KCNMA1: variants seen among roughly 807,000 people sequenced by gnomAD.
KCNMA1 encodes the protein potassium calcium-activated channel subfamily M alpha 1, also known as Calcium-activated potassium channel subunit alpha-1.
Under a neutral mutation model 140.0 loss-of-function variants are expected in KCNMA1, and 29 were observed. The observed-to-expected ratio is 0.21, with a 90% CI of 0.15 to 0.28. The LOEUF is 0.28. Among genes scored for constraint, KCNMA1 ranks in the 10% least tolerant of loss-of-function variants. The pLI is 1.00. For synonymous variants in KCNMA1, 612 were observed against 611.9 expected (o/e 1.00, Z 0.00); for missense variants, 880 against 1,602.2 (o/e 0.55, Z 7.70).
intron 1 of KCNMA1, among the ~76,000 whole-genome samples, chr10:77,558,922 G>T (rs905631056): frequency 6.6e-6 from 1 of 152,186 alleles, no homozygotes; most frequent in Admixed American, 6.5e-5. Flanking sequence ...CTTTAAAGTG[G>T]TCACCGACTA....
chr10:76,990,667 G>T (rs1030996043), intron 19 of KCNMA1, among the ~76,000 whole-genome samples: 1 of 152,130 alleles, frequency 6.6e-6, no homozygotes, highest in African/African-American at 2.4e-5. Context: ...AGGTCATTGT[G>T]CATCCCTTCT....
In KCNMA1 at chr10:76,981,729, C is replaced by T. The variant is rs192715991; in HGVS notation, c.2267-11662G>A. On this transcript the variant is annotated intron_variant, in intron 19 of 27. Transcript: ENST00000286628. ...CCAGATGATTATGACAAGATCAATT[C>T]TCTCCTTTCTTTAAAAAATCCCCTG... 1.5e-4 allele frequency among the ~76,000 whole-genome samples: 23 copies of T among 152,314 alleles called. No individual in the cohort carries two copies. In the East Asian group the frequency reaches 3.1e-3, roughly 20 times the overall value.
intron 9 of KCNMA1, among the ~76,000 whole-genome samples, chr10:77,098,030 T>C (rs1188605197): frequency 1.3e-5 from 2 of 152,240 alleles, no homozygotes; most frequent in Admixed American, 6.5e-5. Flanking sequence ...AAACTTTGCA[T>C]CTTATCGCAT....
intron 25 of KCNMA1, among the ~76,000 whole-genome samples, chr10:76,895,193 C>T (rs1459699831): frequency 2.6e-5 from 4 of 152,310 alleles, no homozygotes; most frequent in Admixed American, 6.5e-5. Flanking sequence ...CTCTCACACG[C>T]ACCCCCTTAG....
At chr10:77,606,407 C>T (rs376221434) in intron 1 of KCNMA1, among the ~76,000 whole-genome samples, 28 of 152,148 alleles carry the variant, frequency 1.8e-4, no homozygotes, top group Middle Eastern at 3.4e-3. Flanking sequence ...CAAGAGGGGA[C>T]GATCGCTTGA....
At chr10:77,522,766 C>A (rs1040090475) in intron 1 of KCNMA1, among the ~76,000 whole-genome samples, 1 of 152,184 alleles carries the variant, frequency 6.6e-6, no homozygotes, top group Non-Finnish European at 1.5e-5. Context: ...GGTCTTGGGG[C>A]AACCAATGGT....
At chr10:76,990,540 T>G (rs1378858275) in intron 19 of KCNMA1, among the ~76,000 whole-genome samples, 1 of 152,162 alleles carries the variant, frequency 6.6e-6, no homozygotes, top group Admixed American at 6.5e-5. Flanking sequence ...CCCTTGCAAA[T>G]TTCACATTCA....
chr10:77,171,228 C>T (rs1377426535), intron 5 of KCNMA1, among the ~76,000 whole-genome samples: 2 of 152,128 alleles, frequency 1.3e-5, no homozygotes, highest in African/African-American at 2.4e-5. Context: ...ATGGAACACC[C>T]CAAATCTGTA....
At chr10:76,997,243 T>C (rs1055670287) in intron 19 of KCNMA1, among the ~76,000 whole-genome samples, 2 of 152,214 alleles carry the variant, frequency 1.3e-5, no homozygotes, top group African/African-American at 4.8e-5. Flanking sequence ...ACCATCGGAG[T>C]TGAATGCCTT....
intron 23 of KCNMA1, among the ~76,000 whole-genome samples, chr10:76,936,455 G>A (rs1434738448): frequency 3.3e-5 from 5 of 152,072 alleles, no homozygotes; most frequent in Admixed American, 6.5e-5. Context: ...TTTTTGGGAC[G>A]GAAGCCAACA....
At chr10:76,977,387 A>T (rs2077954285) in intron 19 of KCNMA1, among the ~76,000 whole-genome samples, 1 of 152,232 alleles carries the variant, frequency 6.6e-6, no homozygotes, top group East Asian at 1.9e-4. Context: ...CTAAAAAGAT[A>T]TGAAATTTGG....
chr10:77,208,726 CTTAT>C (rs1281301036), intron 3 of KCNMA1, among the ~76,000 whole-genome samples: 3 of 152,024 alleles, frequency 2.0e-5, no homozygotes, highest in Non-Finnish European at 4.4e-5. Context: ...ACATTTTTTC[CTTAT>C]TTGTGTTATT....
intron 1 of KCNMA1, among the ~76,000 whole-genome samples, chr10:77,489,372 G>A (rs544105615): frequency 1.0e-3 from 151 of 151,446 alleles, no homozygotes; most frequent in African/African-American, 3.5e-3. Flanking sequence ...TCTCACTCTT[G>A]TCGCCCAGGC....
In KCNMA1 at chr10:77,110,175, G is replaced by A. The variant is rs1228018659; in HGVS notation, c.1129C>T (p.Leu377=). 1 of 1,612,852 alleles carries A rather than the reference G, an allele frequency of 6.2e-7. No individual in the cohort carries two copies. Among genetic ancestry groups the A allele is most frequent in the Non-Finnish European group, 8.5e-7 (1 of 1,179,170 alleles). Reference sequence around the variant, plus strand: ...TCATAATAAAGATTTTTTTTTACCAGTCCCCCGAGGATGAAGAAGACCATG... The same window carrying A: ...TCATAATAAAGATTTTTTTTTACCAATCCCCCGAGGATGAAGAAGACCATG... ...LFMVFFILGG[L]AMFASYVPEI... is the part of the protein sequence containing the mutation. Residue 377 remains leucine, a splice_region_variant and synonymous_variant, in exon 8 of 28, where the codon CTG becomes TTG. Transcript: ENST00000286628.
chr10:77,174,922 G>A (rs73293947), intron 5 of KCNMA1, among the ~76,000 whole-genome samples: 2,045 of 152,276 alleles, frequency 0.013, 41 homozygotes, highest in African/African-American at 0.046. Flanking sequence ...CCTCCACCCA[G>A]AGATTCTTAG....
intron 2 of KCNMA1, among the ~76,000 whole-genome samples, chr10:77,295,813 A>AAC (rs1555161694): frequency 4.7e-5 from 7 of 150,420 alleles, no homozygotes; most frequent in Non-Finnish European, 7.4e-5. Context: ...AAAAAAAAAA[A>AAC]AAAACAGTTT....
At chr10:77,192,371 T>C (rs1166801813) in intron 3 of KCNMA1, among the ~76,000 whole-genome samples, 3 of 152,194 alleles carry the variant, frequency 2.0e-5, no homozygotes, top group Non-Finnish European at 4.4e-5. Context: ...GAGTCTCCTT[T>C]CCCATCTTCA....
intron 2 of KCNMA1, among the ~76,000 whole-genome samples, chr10:77,400,423 G>C (rs978311064): frequency 6.6e-6 from 1 of 152,198 alleles, no homozygotes; most frequent in Non-Finnish European, 1.5e-5. Context: ...ACATGCAAAT[G>C]TTTAACAAGC....
At chr10:77,070,438 C>T (rs893856820) in intron 14 of KCNMA1, among the ~76,000 whole-genome samples, 2 of 152,208 alleles carry the variant, frequency 1.3e-5, no homozygotes, top group Non-Finnish European at 2.9e-5. Context: ...AAAAAACAGA[C>T]ACGACCGGCC....
Sources: gnomAD v4.1 joint callset for allele counts (sites outside exome capture counted in the v4.1 genomes callset) on GRCh38, gnomAD v4.1.1 for gene constraint, MANE v1.5 for transcripts, NCBI Gene and HGNC (gene_info 2026-07-23, HGNC 2026-07-21) for gene names.